The following ROPN1 variants were observed in gnomAD, a reference collection of about 807,000 sequenced individuals.
The protein encoded by ROPN1 is ropporin-1A.
ROPN1 carries 14 observed loss-of-function variants against 20.5 expected under a neutral mutation model. The ratio of observed to expected loss-of-function variants is 0.68; its 90% confidence interval spans 0.45 to 1.07. The LOEUF is 1.07. Among genes scored for constraint, ROPN1 ranks in the 50% least tolerant of loss-of-function variants. The pLI, the probability that ROPN1 is intolerant of heterozygous loss-of-function variation, is 0.00. For synonymous variants in ROPN1, 76 were observed against 95.7 expected (o/e 0.79, Z 1.20); for missense variants, 169 against 242.8 (o/e 0.70, Z 2.02).
At chr3:123,971,549 A>G (rs562959160) in intron 4 of ROPN1, among the ~76,000 whole-genome samples, 2 of 152,234 alleles carry the variant, frequency 1.3e-5, no homozygotes, top group East Asian at 3.9e-4. Context: ...GAAACACTGC[A>G]TCTTCTACTC....
chr3:123,988,960 G>T (rs2038334567), intron 1 of ROPN1, among the ~76,000 whole-genome samples: 2 of 151,950 alleles, frequency 1.3e-5, no homozygotes, highest in Admixed American at 1.3e-4. Flanking sequence ...ACATCTGCAG[G>T]TATTAGAAGG....
chr3:123,978,996 G>A (rs1348888067), intron 2 of ROPN1: 1 of 164,024 alleles, frequency 6.1e-6, no homozygotes, highest in Admixed American at 5.6e-5. Flanking sequence ...AAATGGGTTT[G>A]AAACTAACGT....
intron 4 of ROPN1, among the ~76,000 whole-genome samples, chr3:123,970,787 G>GTGC (rs1343296358): frequency 6.6e-6 from 1 of 152,168 alleles, no homozygotes. Context: ...GAATCAGCTA[G>GTGC]TGCTTTATTT....
chr3:123,976,966 C>G lies in ROPN1; in HGVS notation c.132G>C (p.Leu44=). 6.2e-7 allele frequency: 1 copy of G among 1,612,746 alleles called. No individual in the cohort carries two copies. Among genetic ancestry groups the G allele is most frequent in the Non-Finnish European group, 8.5e-7 (1 of 1,179,616 alleles). ...TCACCGGAGGCGTCTCTCCACGGGA[C>G]AGGGCCTCAAAATAACTACAAGAAA... is the stretch of plus-strand genomic sequence containing the variant. The part of the protein sequence containing the change: ...IQWAADYFEA[L]SRGETPPVRE... Residue 44 remains leucine (L), a synonymous_variant, in exon 3 of 6, where the codon CTG becomes CTC. Coordinates refer to ENST00000405845, the MANE Select transcript of ROPN1 (RefSeq NM_001317774.2).
At chr3:123,980,534 G>A in intron 1 of ROPN1, 41 bp from the exon 2 acceptor site, 1 of 1,580,256 alleles carries the variant, frequency 6.3e-7, no homozygotes. Flanking sequence ...TGAAAACTTC[G>A]ATTCATACGA....
chr3:123,979,657 G>A (rs1386653898), intron 2 of ROPN1: 2 of 375,654 alleles, frequency 5.3e-6, no homozygotes, highest in Non-Finnish European at 1.0e-5. Flanking sequence ...GAAGGCACCC[G>A]TGTTTGAGGC....
chr3:123,980,564 G>A (rs1473895209), intron 1 of ROPN1, 71 bp from the exon 2 acceptor site: 1 of 1,417,624 alleles, frequency 7.1e-7, no homozygotes, highest in South Asian at 1.3e-5. Flanking sequence ...TCCTGGACAG[G>A]AGGTCACCCA....
chr3:123,973,280 T>C (rs1041815650), intron 4 of ROPN1, among the ~76,000 whole-genome samples: 1 of 152,206 alleles, frequency 6.6e-6, no homozygotes, highest in Non-Finnish European at 1.5e-5. Flanking sequence ...CACCCTTTAT[T>C]TGCAGATTTA....
chr3:123,969,789 T>C (rs982922553), intron 5 of ROPN1, among the ~76,000 whole-genome samples: 1 of 152,174 alleles, frequency 6.6e-6, no homozygotes, highest in African/African-American at 2.4e-5. Flanking sequence ...GATTCTGCAT[T>C]TCTAACATCT....
intron 1 of ROPN1, among the ~76,000 whole-genome samples, chr3:123,982,703 C>T (rs1175839181): frequency 2.0e-5 from 3 of 152,100 alleles, no homozygotes; most frequent in Non-Finnish European, 2.9e-5. Flanking sequence ...GTTGTCTGCA[C>T]ATATATATAT....
At chr3:123,988,362 C>T (rs551963019) in intron 1 of ROPN1, among the ~76,000 whole-genome samples, 1 of 152,172 alleles carries the variant, frequency 6.6e-6, no homozygotes, top group East Asian at 1.9e-4. Context: ...GTCAGGCTGA[C>T]AATCAGGTCA....
chr3:123,981,997 A>T (rs2038159260), intron 1 of ROPN1, among the ~76,000 whole-genome samples: 1 of 152,236 alleles, frequency 6.6e-6, no homozygotes, highest in Non-Finnish European at 1.5e-5. Flanking sequence ...GTAGAAAATA[A>T]TGCATACATA....
rs553719365 is a variant in ROPN1, at chr3:123,976,085, G to A, written c.235-545C>T. ...GATGCCTAATGTTGCTTGATCCCAG[G>A]TATTTTAGAGCTCTGTCATGTTCAC... On this transcript the variant is annotated intron_variant, in intron 3 of 5. Coordinates refer to ENST00000405845, the MANE Select transcript of ROPN1 (RefSeq NM_001317774.2). 7.9e-5 allele frequency among the ~76,000 whole-genome samples: 12 copies of A among 152,278 alleles called. No individual in the cohort carries two copies. In the South Asian group the frequency reaches 1.5e-3, roughly 18 times the overall value.
At chr3:123,972,370 C>T (rs570772634) in intron 4 of ROPN1, among the ~76,000 whole-genome samples, 9 of 152,238 alleles carry the variant, frequency 5.9e-5, no homozygotes, top group Admixed American at 2.6e-4. Flanking sequence ...TTTTGGGATC[C>T]GCTTCACAGA....
At position 123,970,027 on chromosome 3, in the gene ROPN1, C is replaced by T. The variant is rs1287375011; in HGVS notation, c.572+15G>A. On this transcript the variant is annotated intron_variant, in intron 5 of 5. Transcript: ENST00000405845. Reference sequence around the variant, plus strand: ...CTGGTATTCTTTCACCTCCACTTGACAAAAGTTAACTTACACTTCCTGTTC... The same window carrying T: ...CTGGTATTCTTTCACCTCCACTTGATAAAAGTTAACTTACACTTCCTGTTC... The T allele has an allele frequency of 3.7e-6, 6 of 1,610,554 alleles. No individual in the cohort carries two copies. The highest frequency in any genetic ancestry group is 5.1e-6 in the Non-Finnish European group (6 of 1,177,818).
At chr3:123,984,748 C>CAA (rs549810597) in intron 1 of ROPN1, among the ~76,000 whole-genome samples, 1 of 147,660 alleles carries the variant, frequency 6.8e-6, no homozygotes, top group African/African-American at 2.5e-5. Flanking sequence ...GGCCACTTTC[C>CAA]AAAAAAAAAA....
At chr3:123,984,113 A>G (rs9881117) in intron 1 of ROPN1, among the ~76,000 whole-genome samples, 81,664 of 151,906 alleles carry the variant, frequency 0.54, 24,379 homozygotes, top group Non-Finnish European at 0.7. Flanking sequence ...AAGAGTTAGC[A>G]ATCTTCCCCC....
chr3:123,986,798 C>T (rs1013529730), intron 1 of ROPN1, among the ~76,000 whole-genome samples: 1 of 152,194 alleles, frequency 6.6e-6, no homozygotes, highest in Non-Finnish European at 1.5e-5. Context: ...GTACTGGCTG[C>T]AGCATGCAGC....
intron 1 of ROPN1, 28 bp from the exon 2 acceptor site, chr3:123,980,521 A>C: frequency 6.2e-7 from 1 of 1,604,112 alleles, no homozygotes; most frequent in Non-Finnish European, 8.5e-7. Flanking sequence ...AAATACGTTA[A>C]GATGAAAACT....
Sources: gnomAD v4.1 joint callset for allele counts (sites outside exome capture counted in the v4.1 genomes callset) on GRCh38, gnomAD v4.1.1 for gene constraint, MANE v1.5 for transcripts, NCBI Gene and HGNC (gene_info 2026-07-23, HGNC 2026-07-21) for gene names.